NBEA: variants seen among roughly 807,000 people sequenced by gnomAD.
NBEA encodes lysosomal-trafficking regulator 2.
NBEA carries 44 observed loss-of-function variants against 343.4 expected under a neutral mutation model. That is an observed-to-expected ratio of 0.13 (90% CI 0.10 to 0.16). The LOEUF is 0.16. Among genes scored for constraint, NBEA ranks in the 10% least tolerant of loss-of-function variants. The probability of loss-of-function intolerance (pLI) is 1.00; values close to 1 mark genes in which losing one functional copy is unlikely to be tolerated. For missense variants in NBEA, 2,555 were observed against 3,631.3 expected (o/e 0.70, Z 7.62); for synonymous variants, 1,175 against 1,238.7 (o/e 0.95, Z 1.08).
At chr13:35,601,761 C>CAAAAAAAAAA (rs869213180) in intron 47 of NBEA, among the ~76,000 whole-genome samples, 2 of 114,916 alleles carry the variant, frequency 1.7e-5, no homozygotes, top group Admixed American at 1.0e-4. Context: ...GACTCCATCG[C>CAAAAAAAAAA]AAAAAAAAAA....
At chr13:35,411,920 T>C (rs2043611995) in intron 38 of NBEA, among the ~76,000 whole-genome samples, 1 of 152,138 alleles carries the variant, frequency 6.6e-6, no homozygotes, top group Non-Finnish European at 1.5e-5. Context: ...AATGATTTTA[T>C]CATTCTTCCA....
chr13:35,422,898 GTGA>G (rs1311557380), intron 38 of NBEA, among the ~76,000 whole-genome samples: 5 of 152,220 alleles, frequency 3.3e-5, no homozygotes, highest in Non-Finnish European at 7.3e-5. Context: ...CTGATGGCCA[GTGA>G]TGATGAGCAT....
chr13:35,069,379 CTT>C (rs2063778479), intron 8 of NBEA, among the ~76,000 whole-genome samples: 1 of 138,546 alleles, frequency 7.2e-6, no homozygotes, highest in Non-Finnish European at 1.7e-5. Context: ...ATGAACTTCT[CTT>C]CTGAGTTTTG....
intron 1 of NBEA, among the ~76,000 whole-genome samples, chr13:34,976,136 C>T (rs928177097): frequency 1.3e-5 from 2 of 152,166 alleles, no homozygotes; most frequent in Non-Finnish European, 2.9e-5. Flanking sequence ...ATGTTTATAG[C>T]AGCGCAATTT....
intron 22 of NBEA, 88 bp downstream of exon 22, chr13:35,160,120 C>G: frequency 8.3e-7 from 1 of 1,198,342 alleles, no homozygotes; most frequent in South Asian, 1.7e-5. Flanking sequence ...TTATCAGTTA[C>G]TTCATGTTTA....
intron 34 of NBEA, among the ~76,000 whole-genome samples, chr13:35,281,260 C>G (rs965268303): frequency 1.3e-5 from 2 of 151,994 alleles, no homozygotes; most frequent in Non-Finnish European, 2.9e-5. Context: ...ATTCTAAGAA[C>G]CTATTTCATT....
At chr13:35,517,972 A>G (rs970952499) in intron 41 of NBEA, among the ~76,000 whole-genome samples, 2 of 152,204 alleles carry the variant, frequency 1.3e-5, no homozygotes, top group African/African-American at 4.8e-5. Context: ...AGCCTTTACT[A>G]TGTTGAAATT....
At chr13:35,176,007 G>A (rs1296881551) in intron 27 of NBEA, among the ~76,000 whole-genome samples, 3 of 151,994 alleles carry the variant, frequency 2.0e-5, no homozygotes, top group Admixed American at 6.6e-5. Context: ...TGTAAATTAT[G>A]TATTATTTTC....
chr13:35,001,212 A>G (rs1445260926), intron 1 of NBEA, among the ~76,000 whole-genome samples: 5 of 152,174 alleles, frequency 3.3e-5, no homozygotes, highest in Admixed American at 1.3e-4. Flanking sequence ...ACTCTTATAC[A>G]TGGTTGGTAG....
chr13:35,320,603 G>T (rs956957679), intron 36 of NBEA, among the ~76,000 whole-genome samples: 1 of 152,152 alleles, frequency 6.6e-6, no homozygotes, highest in Non-Finnish European at 1.5e-5. Context: ...GAGTATCTTT[G>T]TGATGTTCTC....
rs566187254 is a variant in NBEA at position 35,201,302 on chromosome 13, C to G, written c.5366+5000C>G. ...AAGTTCAGTGAGCTGAATAAAGTAT[C>G]TCTCATTAATAGGTGATTTAATGAG... is the stretch of plus-strand genomic sequence containing the variant. On this transcript the variant is annotated intron_variant, in intron 31 of 58. Coordinates refer to ENST00000379939, the MANE Select transcript of NBEA (RefSeq NM_001385012.1). Among the ~76,000 whole-genome samples, 4 of 152,092 alleles carry G rather than the reference C, an allele frequency of 2.6e-5. No homozygotes were observed. In the South Asian group the frequency reaches 8.3e-4, roughly 32 times the overall value.
chr13:35,264,539 A>G (rs1386632134), intron 34 of NBEA, among the ~76,000 whole-genome samples: 1 of 152,032 alleles, frequency 6.6e-6, no homozygotes, highest in African/African-American at 2.4e-5. Context: ...CGTTTAAAAG[A>G]TCAGTCACCA....
chr13:35,086,119 A>G (rs1593295607), intron 10 of NBEA, among the ~76,000 whole-genome samples: 1 of 152,104 alleles, frequency 6.6e-6, no homozygotes, highest in Non-Finnish European at 1.5e-5. Flanking sequence ...GCTCATGGGT[A>G]GGAAGAATCA....
At chr13:35,025,888 A>C (rs1468176195) in intron 1 of NBEA, among the ~76,000 whole-genome samples, 1 of 152,136 alleles carries the variant, frequency 6.6e-6, no homozygotes, top group Non-Finnish European at 1.5e-5. Context: ...TACTACTGAC[A>C]TGCTGAGTTG....
intron 1 of NBEA, among the ~76,000 whole-genome samples, chr13:35,026,010 C>G (rs2062008543): frequency 6.6e-6 from 1 of 151,984 alleles, no homozygotes; most frequent in African/African-American, 2.4e-5. Context: ...GTGTCCCAAC[C>G]CAAGTCTCAC....
chr13:35,328,242 A>C (rs1481332083), intron 36 of NBEA, among the ~76,000 whole-genome samples: 1 of 152,080 alleles, frequency 6.6e-6, no homozygotes, highest in East Asian at 1.9e-4. Flanking sequence ...AAACATTGGA[A>C]ACTGAAATAA....
intron 47 of NBEA, among the ~76,000 whole-genome samples, chr13:35,597,444 C>G (rs2769333): frequency 0.65 from 99,044 of 152,062 alleles, 33,461 homozygotes; most frequent in East Asian, 0.86. Flanking sequence ...GTCAGCAGAA[C>G]AGCAGTTATC....
chr13:34,967,833 T>TAC (rs1555263073), intron 1 of NBEA, among the ~76,000 whole-genome samples: 2 of 152,086 alleles, frequency 1.3e-5, no homozygotes, highest in Non-Finnish European at 2.9e-5. Flanking sequence ...TCAATCCTGA[T>TAC]ACTACATAGA....
At chr13:35,285,939 G>A (rs1280370552) in intron 34 of NBEA, among the ~76,000 whole-genome samples, 1 of 152,004 alleles carries the variant, frequency 6.6e-6, no homozygotes, top group Non-Finnish European at 1.5e-5. Flanking sequence ...GCTGACGATT[G>A]CATGCTTCTT....
Sources: gnomAD v4.1 joint callset for allele counts (sites outside exome capture counted in the v4.1 genomes callset) on GRCh38, gnomAD v4.1.1 for gene constraint, MANE v1.5 for transcripts, NCBI Gene and HGNC (gene_info 2026-07-23, HGNC 2026-07-21) for gene names.